Variants in HCRTR2 observed in about 807,000 individuals in gnomAD.
HCRTR2 encodes hypocretin receptor 2, also known as orexin receptor type 2.
A neutral mutation model predicts 49.0 loss-of-function variants in HCRTR2; 22 were observed. That is an observed-to-expected ratio of 0.45 (90% CI 0.32 to 0.64). The LOEUF (loss-of-function observed/expected upper bound fraction) is 0.64, where lower values mean the gene tolerates loss of function less well. Ranked by LOEUF, HCRTR2 falls within the 30% of genes least tolerant of loss-of-function variation. HCRTR2 has a pLI of 0.04. For synonymous variants in HCRTR2, 236 were observed against 205.3 expected (o/e 1.15, Z -1.28); for missense variants, 491 against 559.4 (o/e 0.88, Z 1.23).
chr6:55,199,487 C>A (rs180968447), intron 1 of HCRTR2, among the ~76,000 whole-genome samples: 37 of 152,142 alleles, frequency 2.4e-4, no homozygotes, highest in Admixed American at 2.4e-3. Context: ...TTTCAAACTG[C>A]AAAGTTATCT....
At chr6:55,137,673 G>A (rs902492097) in intron 1 of HCRTR2, among the ~76,000 whole-genome samples, 1 of 152,070 alleles carries the variant, frequency 6.6e-6, no homozygotes, top group Non-Finnish European at 1.5e-5. Flanking sequence ...GTGATCTGTA[G>A]GTCAAATGTC....
chr6:55,110,617 T>TA (rs932447071), intron 1 of HCRTR2, among the ~76,000 whole-genome samples: 4 of 112,648 alleles, frequency 3.6e-5, no homozygotes, highest in Admixed American at 2.1e-4. Flanking sequence ...CAACAACAAT[T>TA]AAAAAAAAGA....
chr6:55,226,331 C>CA (rs1210903962), intron 1 of HCRTR2, among the ~76,000 whole-genome samples: 1 of 152,082 alleles, frequency 6.6e-6, no homozygotes, highest in African/African-American at 2.4e-5. Context: ...TCTTTTGAGA[C>CA]AAAGTCTCAC....
chr6:55,114,677 T>A (rs1764092859), intron 1 of HCRTR2, among the ~76,000 whole-genome samples: 1 of 151,840 alleles, frequency 6.6e-6, no homozygotes, highest in African/African-American at 2.4e-5. Flanking sequence ...ATTTATAATT[T>A]GTCTCCAAAA....
intron 1 of HCRTR2, among the ~76,000 whole-genome samples, chr6:55,106,776 C>T (rs1763980975): frequency 6.6e-6 from 1 of 152,064 alleles, no homozygotes; most frequent in South Asian, 2.1e-4. Flanking sequence ...TGAAGCTAGT[C>T]CTGACAAAAC....
chr6:55,168,314 A>T (rs1455927706), intron 1 of HCRTR2, among the ~76,000 whole-genome samples: 2 of 152,188 alleles, frequency 1.3e-5, no homozygotes, highest in African/African-American at 4.8e-5. Flanking sequence ...TTTTTTAAAT[A>T]TGTAAAATTT....
chr6:55,230,458 GTATAA>G (rs1766093028), intron 1 of HCRTR2, among the ~76,000 whole-genome samples: 1 of 152,136 alleles, frequency 6.6e-6, no homozygotes, highest in Non-Finnish European at 1.5e-5. Flanking sequence ...ACTTTAAAAT[GTATAA>G]TCTAAATTAA....
intron 1 of HCRTR2, among the ~76,000 whole-genome samples, chr6:55,197,699 G>A (rs563702172): frequency 6.6e-6 from 1 of 152,172 alleles, no homozygotes; most frequent in South Asian, 2.1e-4. Context: ...TCGGCTCACT[G>A]CAAGCTCTGC....
chr6:55,132,273 T>C (rs1368532254), intron 1 of HCRTR2, among the ~76,000 whole-genome samples: 1 of 151,900 alleles, frequency 6.6e-6, no homozygotes. Flanking sequence ...AACTCTTTCA[T>C]AAAATGCACA....
intron 4 of HCRTR2, among the ~76,000 whole-genome samples, chr6:55,274,675 G>A (rs1767044248): frequency 6.6e-6 from 1 of 151,984 alleles, no homozygotes; most frequent in Non-Finnish European, 1.5e-5. Context: ...AGCCAACACT[G>A]CATTGCTAGA....
chr6:55,215,254 G>A (rs1021376555), intron 1 of HCRTR2, among the ~76,000 whole-genome samples: 1 of 152,058 alleles, frequency 6.6e-6, no homozygotes, highest in Non-Finnish European at 1.5e-5. Context: ...CAGAAAACTT[G>A]CAAAACAGAA....
chr6:55,283,404 A>G (rs918701884), downstream of HCRTR2, among the ~76,000 whole-genome samples: 1 of 152,142 alleles, frequency 6.6e-6, no homozygotes, highest in Non-Finnish European at 1.5e-5. Flanking sequence ...TCTTCACCAG[A>G]AAGTTTGTAG....
chr6:55,115,337 G>A (rs1764101143), intron 1 of HCRTR2, among the ~76,000 whole-genome samples: 1 of 151,662 alleles, frequency 6.6e-6, no homozygotes. Flanking sequence ...TCATTTAAAA[G>A]AATAATCAAT....
chr6:55,241,326 A>G (rs1035437946), intron 1 of HCRTR2, among the ~76,000 whole-genome samples: 2 of 152,136 alleles, frequency 1.3e-5, no homozygotes, highest in Non-Finnish European at 2.9e-5. Flanking sequence ...TCAGTTCTAC[A>G]TTATAAAAAG....
At chr6:55,208,947 G>C (rs923187646) in intron 1 of HCRTR2, among the ~76,000 whole-genome samples, 2 of 152,196 alleles carry the variant, frequency 1.3e-5, no homozygotes, top group African/African-American at 2.4e-5. Context: ...CTTTCAGAAA[G>C]GAGGTATGAA....
chr6:55,156,509 T>C (rs1475076117), intron 1 of HCRTR2, among the ~76,000 whole-genome samples: 2 of 151,788 alleles, frequency 1.3e-5, no homozygotes, highest in African/African-American at 2.4e-5. Flanking sequence ...ATGAGGCCAG[T>C]ATTACTCTTA....
At chr6:55,143,702 A>AT (rs2127254187) in intron 1 of HCRTR2, among the ~76,000 whole-genome samples, 1 of 152,222 alleles carries the variant, frequency 6.6e-6, no homozygotes, top group South Asian at 2.1e-4. Flanking sequence ...CCACACAATA[A>AT]TTTGATGAGG....
At chr6:55,218,612 T>C (rs1765833211) in intron 1 of HCRTR2, among the ~76,000 whole-genome samples, 1 of 152,202 alleles carries the variant, frequency 6.6e-6, no homozygotes, top group Non-Finnish European at 1.5e-5. Context: ...GGGCTCATTA[T>C]ACTTATATCG....
At chr6:55,243,198 T>C (rs1007654860) in intron 1 of HCRTR2, among the ~76,000 whole-genome samples, 1 of 152,194 alleles carries the variant, frequency 6.6e-6, no homozygotes, top group Admixed American at 6.5e-5. Context: ...ATGTTAGAGG[T>C]GGAATTCAAG....
Sources: allele counts gnomAD v4.1 joint callset (sites outside exome capture counted in the v4.1 genomes callset), GRCh38; gene constraint gnomAD v4.1.1; transcripts MANE v1.5; gene names NCBI Gene and HGNC (gene_info 2026-07-23, HGNC 2026-07-21).